Variants in CUL4A observed in about 807,000 individuals in gnomAD.
CUL4A encodes the protein cullin-4A.
CUL4A carries 16 observed loss-of-function variants against 95.5 expected under a neutral mutation model. The ratio of observed to expected loss-of-function variants is 0.17; its 90% CI spans 0.11 to 0.25. The LOEUF (loss-of-function observed/expected upper bound fraction) is 0.25. Among genes scored for constraint, CUL4A ranks in the 10% least tolerant of loss-of-function variants. The pLI, the probability that CUL4A is intolerant of heterozygous loss-of-function variation, is 1.00. For synonymous variants in CUL4A, 380 were observed against 353.1 expected (o/e 1.08, Z -0.85); for missense variants, 610 against 937.0 (o/e 0.65, Z 4.56).
intron 3 of CUL4A, among the ~76,000 whole-genome samples, chr13:113,225,506 T>C (rs1411816092): frequency 6.6e-6 from 1 of 152,252 alleles, no homozygotes; most frequent in Non-Finnish European, 1.5e-5. Flanking sequence ...CATTGGACTT[T>C]CCATCTTAAC....
chr13:113,222,711 G>A (rs1472937563), intron 3 of CUL4A, among the ~76,000 whole-genome samples: 1 of 152,188 alleles, frequency 6.6e-6, no homozygotes. Flanking sequence ...AGTTGGGAGG[G>A]CCAGTTGAGC....
rs1471475018 is a variant in CUL4A at position 113,209,921 on chromosome 13, C to T, written c.149-52C>T. 17 of 1,392,058 alleles carry T rather than the reference C, an allele frequency of 1.2e-5. No homozygotes were observed. In the Admixed American group the frequency reaches 4.1e-4, roughly 33 times the overall value. The allele number at this position is 1,392,058 out of a possible 1,614,324, so 86.2% of individuals were successfully genotyped here. Reference sequence around the variant, plus strand: ...GCCGGCCGGGTCGGGGGTGGCTACGCGGGGCGCTTCGCGGCGCGCCCTGAG... The same window carrying T: ...GCCGGCCGGGTCGGGGGTGGCTACGTGGGGCGCTTCGCGGCGCGCCCTGAG... On this transcript the variant is annotated intron_variant, in intron 1 of 19. Coordinates refer to ENST00000375440, the MANE Select transcript of CUL4A (RefSeq NM_001008895.4).
chr13:113,218,890 T>A (rs967180353), intron 2 of CUL4A, 55 bp from the exon 3 acceptor site: 21 of 1,288,796 alleles, frequency 1.6e-5, no homozygotes, highest in African/African-American at 9.1e-5. Flanking sequence ...AGGGTTTTTT[T>A]ATGAACCAAT....
At chr13:113,236,799 G>A (rs1016311798) in intron 8 of CUL4A, 24 bp from the exon 9 acceptor site, 31 of 1,541,164 alleles carry the variant, frequency 2.0e-5, no homozygotes, top group Non-Finnish European at 2.7e-5. Context: ...TACTTCTAAC[G>A]CTTATTCTTT....
intron 2 of CUL4A, among the ~76,000 whole-genome samples, chr13:113,210,334 G>T (rs918716131): frequency 6.6e-6 from 1 of 152,238 alleles, no homozygotes; most frequent in African/African-American, 2.4e-5. Flanking sequence ...CGGAAGAGAA[G>T]GAGGTGTGTT....
chr13:113,244,209 C>G, intron 11 of CUL4A: 1 of 538,102 alleles, frequency 1.9e-6, no homozygotes, highest in Non-Finnish European at 3.3e-6. Context: ...AACATTCAGT[C>G]CTGGCTTCAT....
In CUL4A at chr13:113,232,147, C is replaced by T. The variant is rs1371186619; in HGVS notation, c.513-1030C>T. 2.6e-4 allele frequency among the ~76,000 whole-genome samples: 36 copies of T among 138,702 alleles called. 5 individuals are homozygous for T. Among genetic ancestry groups the T allele is most frequent in the East Asian group, 2.3e-3 (11 of 4,782 alleles). The allele number at this position is 138,702 out of a possible 152,430, so 91.0% of individuals were successfully genotyped here. A position where few individuals can be genotyped will look rare whatever the true frequency, so the allele number is the denominator to read the frequency against. ...ACTGTCACCACTACCCGCCCACCAC[C>T]ATTACTGCTGCCACCACTACCCGCC... On this transcript the variant is annotated intron_variant, in intron 5 of 19. Transcript: ENST00000375440.
At chr13:113,229,225 G>A (rs1490945545) in intron 4 of CUL4A, among the ~76,000 whole-genome samples, 1 of 152,116 alleles carries the variant, frequency 6.6e-6, no homozygotes, top group East Asian at 1.9e-4. Flanking sequence ...TAGGCTAAGT[G>A]CGTTAAAATT....
At chr13:113,239,594 C>A in intron 10 of CUL4A, 43 bp downstream of exon 10, 1 of 1,481,264 alleles carries the variant, frequency 6.8e-7, no homozygotes, top group Non-Finnish European at 9.3e-7. Context: ...GCATTCCCTG[C>A]AGGGAGCAGA....
Position 113,254,873 on chromosome 13 carries a change from C to T in CUL4A, c.1858+75C>T, listed in dbSNP as rs1780353198. 9.4e-6 allele frequency: 15 copies of T among 1,591,286 alleles called. No individual in the cohort carries two copies. In the Admixed American group the frequency reaches 1.0e-4, roughly 11 times the overall value. ...TATTTGTTTTAAGATAAGACATAGA[C>T]TTGGTAGCATGATTGGTTTACTGTT... On this transcript the variant is annotated intron_variant, in intron 17 of 19. Transcript: ENST00000375440.
At chr13:113,240,103 C>T (rs1401395298) in intron 10 of CUL4A, among the ~76,000 whole-genome samples, 1 of 152,234 alleles carries the variant, frequency 6.6e-6, no homozygotes, top group Admixed American at 6.5e-5. Context: ...CCTGAGTTTT[C>T]ACATGTCCTG....
rs2042369024 is a variant in CUL4A, at chr13:113,264,734, T to C, written c.*1152T>C. ...GAATTTTGATCATGGCATAAGTGTT[T>C]AAAGCAATATTTTCTGGAATATACC... is the stretch of plus-strand genomic sequence containing the variant. On this transcript the variant is annotated 3_prime_UTR_variant, in exon 20 of 20. Coordinates refer to ENST00000375440, the MANE Select transcript of CUL4A (RefSeq NM_001008895.4). The C allele has an allele frequency of 6.5e-6, 1 of 152,672 alleles. No homozygotes were observed. The highest frequency in any genetic ancestry group is 2.4e-5 in the African/African-American group (1 of 41,462). 9.5% of individuals were successfully genotyped at this position (152,672 alleles called of 1,614,324 possible).
chr13:113,229,960 T>A (rs2139168967), intron 5 of CUL4A: 1 of 364,856 alleles, frequency 2.7e-6, no homozygotes, highest in East Asian at 4.1e-5. Flanking sequence ...TCGTCCGTCA[T>A]CTTTCGGGGA....
intron 2 of CUL4A, among the ~76,000 whole-genome samples, chr13:113,216,070 T>C (rs952317883): frequency 6.0e-5 from 9 of 150,180 alleles, no homozygotes; most frequent in Non-Finnish European, 1.0e-4. Context: ...TGGAGGTCTT[T>C]GTGTGACTAT....
chr13:113,252,481 A>T (rs1433609365), intron 15 of CUL4A, among the ~76,000 whole-genome samples: 3 of 152,196 alleles, frequency 2.0e-5, no homozygotes, highest in Non-Finnish European at 4.4e-5. Context: ...TCCAGCCTGC[A>T]GTAAGCTAGG....
chr13:113,240,250 G>T (rs34568744), intron 10 of CUL4A, among the ~76,000 whole-genome samples: 31,516 of 150,118 alleles, frequency 0.21, 3,900 homozygotes, highest in South Asian at 0.43. Context: ...GAGAGGGTGC[G>T]GCTTGCTTTG....
chr13:113,227,956 T>A lies in CUL4A; in HGVS notation c.369-20T>A. The A allele has an allele frequency of 6.5e-7, 1 of 1,544,914 alleles. No homozygotes were observed. Among genetic ancestry groups the A allele is most frequent in the Non-Finnish European group, 8.9e-7 (1 of 1,129,918 alleles). On this transcript the variant is annotated intron_variant, in intron 3 of 19. Coordinates refer to ENST00000375440, the MANE Select transcript of CUL4A (RefSeq NM_001008895.4). ...TTAAATTGGCCAGCATTTTTAAAGT[T>A]TTCCTTAGCAGATCTGTACAGACTC...
At chr13:113,257,556 A>G (rs910670908) in intron 18 of CUL4A, among the ~76,000 whole-genome samples, 1 of 152,182 alleles carries the variant, frequency 6.6e-6, no homozygotes, top group Non-Finnish European at 1.5e-5. Context: ...AAGCATGAGC[A>G]AGAACAGGGA....
chr13:113,226,362 T>G (rs1275177680), intron 3 of CUL4A, among the ~76,000 whole-genome samples: 1 of 152,208 alleles, frequency 6.6e-6, no homozygotes, highest in African/African-American at 2.4e-5. Context: ...AGTTAAAATG[T>G]AGGAAGTCCA....
Sources: allele counts gnomAD v4.1 joint callset (sites outside exome capture counted in the v4.1 genomes callset), GRCh38; gene constraint gnomAD v4.1.1; transcripts MANE v1.5; gene names NCBI Gene and HGNC (gene_info 2026-07-23, HGNC 2026-07-21).